ZNF331: variants seen among roughly 807,000 people sequenced by gnomAD.
ZNF331 encodes the protein C2H2-like zinc finger protein rearranged in thyroid adenomas.
ZNF331 carries 2 observed loss-of-function variants against 7.0 expected under a neutral mutation model. The ratio of observed to expected loss-of-function variants is 0.29; its 90% CI spans 0.12 to 0.90. The LOEUF is 0.90. Among genes scored for constraint, ZNF331 ranks in the 40% least tolerant of loss-of-function variants. The pLI, the probability that ZNF331 is intolerant of heterozygous loss-of-function variation, is 0.58. For synonymous variants in ZNF331, 196 were observed against 205.4 expected, an observed-to-expected ratio of 0.95 and a Z score of 0.39; for missense variants, 432 against 587.7, an observed-to-expected ratio of 0.74 and a Z score of 2.74.
chr19:53,544,414 G>A (rs761459555), intron 2 of ZNF331, among the ~76,000 whole-genome samples: 8 of 134,524 alleles, frequency 5.9e-5, no homozygotes, highest in East Asian at 2.4e-4. Flanking sequence ...GCGAGGTAGT[G>A]GGCACCTGTA....
chr19:53,523,769 T>TA (rs935519274), intron 2 of ZNF331, among the ~76,000 whole-genome samples: 3 of 140,344 alleles, frequency 2.1e-5, no homozygotes, highest in African/African-American at 5.6e-5. Context: ...ATAGGGATAC[T>TA]ATTTTTTTTT....
At chr19:53,503,275 C>G in the ZNF331 span, 1 of 336,746 alleles carries the variant, frequency 3.0e-6, no homozygotes, top group Non-Finnish European at 5.7e-6. Flanking sequence ...CTCAAGGGAT[C>G]CTCCTACCTC....
At position 53,577,814 on chromosome 19, in the gene ZNF331, G is replaced by T; in HGVS notation, c.1254G>T (p.Lys418Asn). 1 of 1,614,096 alleles carries T rather than the reference G, an allele frequency of 6.2e-7. No individual in the cohort carries two copies. Among genetic ancestry groups the T allele is most frequent in the South Asian group, 1.1e-5 (1 of 91,080 alleles). ...CCTATGGGTGTACAGAATGTGGGAA[G>T]AGCTTTAGTCACGGCCATCAGCTTA... Reference protein sequence around the residue: ...VKPYGCTECGKSFSHGHQLTQ... With the variant: ...VKPYGCTECGNSFSHGHQLTQ... Residue 418 changes from lysine to asparagine, a missense_variant, in exon 6 of 6, where the codon AAG becomes AAT. This residue lies in a region of ZNF331 where 312 missense variants were observed against 448.6 expected (regional missense o/e 0.70). Transcript: ENST00000449416.
chr19:53,506,093 T>C, the ZNF331 span, among the ~76,000 whole-genome samples: 1 of 151,486 alleles, frequency 6.6e-6, no homozygotes. Context: ...CCCAGCACTT[T>C]GGGAGGCCGA....
intron 2 of ZNF331, among the ~76,000 whole-genome samples, chr19:53,541,592 A>C (rs2088181698): frequency 6.6e-6 from 1 of 152,136 alleles, no homozygotes; most frequent in African/African-American, 2.4e-5. Flanking sequence ...GGCACCAGCC[A>C]CTGTACCCTG....
At chr19:53,569,223 C>T (rs1600473036) in intron 3 of ZNF331, 81 bp from the exon 4 acceptor site, 2 of 714,556 alleles carry the variant, frequency 2.8e-6, no homozygotes, top group Non-Finnish European at 2.4e-6. Context: ...GAAGCCAAGA[C>T]AGAGGAGCCA....
In ZNF331 at chr19:53,576,021, G is replaced by C. The variant is rs565796147; in HGVS notation, c.137-676G>C. 2.0e-5 allele frequency among the ~76,000 whole-genome samples: 3 copies of C among 151,164 alleles called. No homozygotes were observed. In the South Asian group the frequency reaches 6.3e-4, roughly 32 times the overall value. On this transcript the variant is annotated intron_variant, in intron 5 of 5. Transcript: ENST00000449416. ...TGTTTTGAGACAGAGTTTCATGCTT[G>C]TTGCCCAGGCTACAGTGCAATGGCA...
chr19:53,575,737 G>A (rs531841477), intron 5 of ZNF331, among the ~76,000 whole-genome samples: 4 of 151,788 alleles, frequency 2.6e-5, no homozygotes, highest in African/African-American at 4.8e-5. Context: ...AGGCTGGAGT[G>A]CAGTGGCACA....
chr19:53,524,616 T>A (rs1399500853), intron 2 of ZNF331, among the ~76,000 whole-genome samples: 1 of 152,028 alleles, frequency 6.6e-6, no homozygotes, highest in Admixed American at 6.5e-5. Flanking sequence ...GGGTTTTTTG[T>A]TTTTTTCTTG....
At chr19:53,508,230 C>G in the ZNF331 span, among the ~76,000 whole-genome samples, 3 of 152,286 alleles carry the variant, frequency 2.0e-5, no homozygotes, top group South Asian at 6.2e-4. Context: ...ATCTGTTTAT[C>G]TGGCGGTTGG....
the ZNF331 span, among the ~76,000 whole-genome samples, chr19:53,509,998 C>G: frequency 6.6e-6 from 1 of 152,162 alleles, no homozygotes; most frequent in Non-Finnish European, 1.5e-5. Context: ...ATCAGCAGAA[C>G]AGCAAGGGGG....
chr19:53,573,450 G>A lies in ZNF331; in HGVS notation c.136+1720G>A, dbSNP rs1381047214. ...GAATCACTTGAACCCGGGAGGTAGA[G>A]GTATAGCATTTCTTTTTTTTTTTAA... On this transcript the variant is annotated intron_variant, in intron 5 of 5. Coordinates refer to ENST00000449416, the MANE Select transcript of ZNF331 (RefSeq NM_001079906.2). The surrounding 1 kb of genome is among the most constrained non-coding windows in gnomAD (Gnocchi z 4.2). 6.6e-6 allele frequency among the ~76,000 whole-genome samples: 1 copy of A among 151,956 alleles called. No homozygotes were observed. The highest frequency in any genetic ancestry group is 1.5e-5 in the Non-Finnish European group (1 of 67,984).
Position 53,532,268 on chromosome 19 carries a change from T to TGGG in ZNF331, c.-204-6948_-204-6947insGGG, listed in dbSNP as rs556671854. Among the ~76,000 whole-genome samples the TGGG allele has an allele frequency of 6.2e-3, 950 of 152,282 alleles. 5 individuals are homozygous for TGGG. The highest frequency in any genetic ancestry group is 0.027 in the Middle Eastern group (8 of 294). On this transcript the variant is annotated intron_variant, in intron 2 of 6. Transcript: ENST00000253144. ...TTCCCACCCCTGTCCCAGCCTCTGG[T>TGGG]AACCATCATTCCACTCTTTGCTTCT...
the ZNF331 span, among the ~76,000 whole-genome samples, chr19:53,506,460 C>CTCTGTCTG: frequency 3.0e-5 from 4 of 131,388 alleles, no homozygotes; most frequent in South Asian, 2.6e-4. Context: ...CTCTCTCTCT[C>CTCTGTCTG]TCTCTCTCTC....
intron 2 of ZNF331, among the ~76,000 whole-genome samples, chr19:53,554,301 G>C (rs2089213072): frequency 6.6e-6 from 1 of 152,222 alleles, no homozygotes; most frequent in Admixed American, 6.5e-5. Flanking sequence ...ATGTGTGTCG[G>C]GGTCTGGTCG....
At position 53,560,736 on chromosome 19, in the gene ZNF331, A is replaced by G. The variant is rs1359252213; in HGVS notation, c.-74+4828A>G. ...TTCGTGACCCCTTCTTCCATCAGCA[A>G]AGCCTGAAAAGACAAGTCCTTTTTC... On this transcript the variant is annotated intron_variant, in intron 3 of 5. Coordinates refer to ENST00000449416, the MANE Select transcript of ZNF331 (RefSeq NM_001079906.2). This position sits in a 1 kb window ranked among gnomAD's most constrained non-coding sequence, Gnocchi z 4.3. 1.3e-5 allele frequency among the ~76,000 whole-genome samples: 2 copies of G among 152,202 alleles called. No homozygotes were observed. The highest frequency in any genetic ancestry group is 6.5e-5 in the Admixed American group (1 of 15,284).
In ZNF331 at chr19:53,560,319, C is replaced by G. The variant is rs773641659; in HGVS notation, c.-74+4411C>G. ...TATATATACACCCACACCATATACA[C>G]ACACATACACATATATAAACACCAT... is the stretch of plus-strand genomic sequence containing the variant. On this transcript the variant is annotated intron_variant, in intron 3 of 5. Transcript: ENST00000449416. This position sits in a 1 kb window ranked among gnomAD's most constrained non-coding sequence, Gnocchi z 4.3. 4.6e-5 allele frequency among the ~76,000 whole-genome samples: 7 copies of G among 151,940 alleles called. No homozygotes were observed. The highest frequency in any genetic ancestry group is 1.0e-4 in the Non-Finnish European group (7 of 67,990).
At position 53,571,639 on chromosome 19, in the gene ZNF331, T is replaced by C; in HGVS notation, c.45T>C (p.Phe15=). The C allele has an allele frequency of 1.2e-6, 2 of 1,614,136 alleles. No individual in the cohort carries two copies. Among genetic ancestry groups the C allele is most frequent in the Non-Finnish European group, 1.7e-6 (2 of 1,180,012 alleles). ...CGTTCGCCGACGTAGCCATAGACTT[T>C]TCTCAGGAGGAGTGGGCCTGTCTGA... ...LVTFADVAID[F]SQEEWACLNS... The change falls in exon 5 of 6, where the codon TTT becomes TTC. Residue 15 remains phenylalanine, a synonymous_variant. Coordinates refer to ENST00000449416, the MANE Select transcript of ZNF331 (RefSeq NM_001079906.2). The surrounding 1 kb of genome is among the most constrained non-coding windows in gnomAD (Gnocchi z 4.7).
chr19:53,559,045 CCATA>C (rs1251457329), intron 3 of ZNF331, among the ~76,000 whole-genome samples: 1 of 150,834 alleles, frequency 6.6e-6, no homozygotes, highest in Non-Finnish European at 1.5e-5. Context: ...TATATACACA[CCATA>C]CATATACAAA....
Sources: gnomAD v4.1 joint callset for allele counts (sites outside exome capture counted in the v4.1 genomes callset) on GRCh38, gnomAD v4.1.1 for gene constraint, gnomAD v4.1.1 regional missense constraint, Gnocchi (gnomAD v3.1) non-coding constraint, MANE v1.5 for transcripts, NCBI Gene and HGNC (gene_info 2026-07-23, HGNC 2026-07-21) for gene names.